Variants in GPR137C observed in about 807,000 individuals in gnomAD.
The protein encoded by GPR137C is integral membrane protein GPR137C.
Under a neutral mutation model 43.4 loss-of-function variants are expected in GPR137C, and 27 were observed. That is an observed-to-expected ratio of 0.62 (90% CI 0.46 to 0.86). The LOEUF (loss-of-function observed/expected upper bound fraction) is 0.86. Ranked by LOEUF, GPR137C falls within the 40% of genes least tolerant of loss-of-function variation. The pLI, the probability that GPR137C is intolerant of heterozygous loss-of-function variation, is 0.00. For synonymous variants in GPR137C, 285 were observed against 226.9 expected, an observed-to-expected ratio of 1.26 and a Z score of -2.30; for missense variants, 522 against 534.6, an observed-to-expected ratio of 0.98 and a Z score of 0.23.
At chr14:52,633,278 A>T (rs2039314598) in intron 4 of GPR137C, among the ~76,000 whole-genome samples, 1 of 152,120 alleles carries the variant, frequency 6.6e-6, no homozygotes, top group African/African-American at 2.4e-5. Flanking sequence ...TATTATCCAT[A>T]TATTAAAATT....
chr14:52,635,941 T>C lies in GPR137C; in HGVS notation c.*826T>C, dbSNP rs2039348265. 6.6e-6 allele frequency: 1 copy of C among 152,292 alleles called. No homozygotes were observed. Among genetic ancestry groups the C allele is most frequent in the African/African-American group, 2.4e-5 (1 of 41,588 alleles). The allele number at this position is 152,292 out of a possible 1,614,324, so 9.4% of individuals were successfully genotyped here. On this transcript the variant is annotated 3_prime_UTR_variant, in exon 7 of 7. Transcript: ENST00000321662. ...GGGACTAAACAAGTTTAGAGATGCA[T>C]TTAAGAATTATTCACAAAATGTGTA...
rs769362925 is a variant in GPR137C, at chr14:52,635,072, A to C, written c.1247A>C (p.Asp416Ala). The change falls in exon 7 of 7, where the codon GAT becomes GCT. Residue 416 changes from aspartate (D) to alanine (A), a missense_variant. By Grantham distance (126) the Asp-to-Ala change is moderately radical (BLOSUM62 -2). This residue lies in a region of GPR137C where 67 missense variants were observed against 69.0 expected (regional missense o/e 0.97). Coordinates refer to ENST00000321662, the MANE Select transcript of GPR137C (RefSeq NM_001099652.2). ...APLLFTCSNL[D>A]LNNHHSLYVT... is the part of the protein sequence containing the mutation. ...TTGCTCTTTACTTGTAGTAATTTAG[A>C]TTTGAACAATCATCATAGCTTATAT... 4 of 1,604,430 alleles carry C rather than the reference A, an allele frequency of 2.5e-6. No homozygotes were observed. In the South Asian group the frequency reaches 4.5e-5, roughly 18 times the overall value.
intron 3 of GPR137C, chr14:52,612,604 C>T (rs1162507319): frequency 1.3e-6 from 1 of 746,322 alleles, no homozygotes; most frequent in Non-Finnish European, 1.6e-6. Flanking sequence ...CTGTGTCACC[C>T]AGGCTGGAAT....
intron 3 of GPR137C, among the ~76,000 whole-genome samples, chr14:52,607,105 T>A (rs529608301): frequency 1.2e-4 from 18 of 152,340 alleles, no homozygotes; most frequent in African/African-American, 4.1e-4. Context: ...CAGAAGTTCC[T>A]CCTGTTACTG....
At chr14:52,561,504 A>G (rs1024475339) in intron 1 of GPR137C, among the ~76,000 whole-genome samples, 1 of 152,214 alleles carries the variant, frequency 6.6e-6, no homozygotes, top group African/African-American at 2.4e-5. Context: ...AAATGAAAGC[A>G]TATGTTCCTA....
At chr14:52,560,425 C>T (rs974717137) in intron 1 of GPR137C, among the ~76,000 whole-genome samples, 2 of 151,984 alleles carry the variant, frequency 1.3e-5, no homozygotes, top group African/African-American at 4.8e-5. Context: ...TTAAAATATG[C>T]GTGGACATAC....
At chr14:52,570,998 A>G (rs902200136) in intron 1 of GPR137C, among the ~76,000 whole-genome samples, 1 of 152,238 alleles carries the variant, frequency 6.6e-6, no homozygotes, top group Non-Finnish European at 1.5e-5. Flanking sequence ...CCTAATAGAC[A>G]GCTACAGAAT....
At chr14:52,614,346 C>T (rs2139556617) in intron 3 of GPR137C, among the ~76,000 whole-genome samples, 1 of 152,238 alleles carries the variant, frequency 6.6e-6, no homozygotes, top group Middle Eastern at 3.4e-3. Flanking sequence ...GTCTCAAACT[C>T]CTGAGCTCAA....
At chr14:52,626,902 C>T (rs1173098868) in intron 3 of GPR137C, among the ~76,000 whole-genome samples, 1 of 152,002 alleles carries the variant, frequency 6.6e-6, no homozygotes, top group Non-Finnish European at 1.5e-5. Flanking sequence ...AATAAATTTT[C>T]CAAAAAGCAA....
At chr14:52,570,281 C>A (rs1249106923) in intron 1 of GPR137C, among the ~76,000 whole-genome samples, 1 of 152,130 alleles carries the variant, frequency 6.6e-6, no homozygotes, top group African/African-American at 2.4e-5. Flanking sequence ...AAATCCTTTA[C>A]AGACAACCAA....
chr14:52,619,567 A>G (rs1007321918), intron 3 of GPR137C, among the ~76,000 whole-genome samples: 1 of 152,096 alleles, frequency 6.6e-6, no homozygotes, highest in African/African-American at 2.4e-5. Context: ...ACCTTGTCCC[A>G]TTTGAAAGAT....
intron 1 of GPR137C, among the ~76,000 whole-genome samples, chr14:52,577,504 G>C (rs1042574478): frequency 2.7e-5 from 3 of 112,346 alleles, no homozygotes; most frequent in Non-Finnish European, 5.7e-5. Context: ...ACATGCACGC[G>C]TGCGCGCGCG....
chr14:52,577,049 G>T (rs532796241), intron 1 of GPR137C, among the ~76,000 whole-genome samples: 1 of 108,212 alleles, frequency 9.2e-6, no homozygotes, highest in South Asian at 3.2e-4. Context: ...AACTAGCCAG[G>T]CGTGGTGCTG....
intron 1 of GPR137C, among the ~76,000 whole-genome samples, chr14:52,577,090 A>T (rs2038565548): frequency 1.3e-5 from 2 of 148,648 alleles, no homozygotes; most frequent in South Asian, 2.2e-4. Flanking sequence ...AGGAGGCTGA[A>T]GCAGAAGAAT....
intron 3 of GPR137C, among the ~76,000 whole-genome samples, chr14:52,601,961 A>T (rs768801517): frequency 6.6e-6 from 1 of 151,774 alleles, no homozygotes; most frequent in African/African-American, 2.4e-5. Context: ...TATGAAAGGT[A>T]TTCACTTATT....
At chr14:52,587,454 C>G (rs1183553220) in intron 1 of GPR137C, among the ~76,000 whole-genome samples, 1 of 152,110 alleles carries the variant, frequency 6.6e-6, no homozygotes, top group Non-Finnish European at 1.5e-5. Context: ...ATTGAACCAC[C>G]TATTTGAAGA....
chr14:52,577,218 C>G (rs1210601517), intron 1 of GPR137C, among the ~76,000 whole-genome samples: 1 of 121,530 alleles, frequency 8.2e-6, no homozygotes, highest in South Asian at 2.7e-4. Context: ...AAAAAAGATA[C>G]CTGGAAATTA....
chr14:52,608,187 T>G (rs988576129), intron 3 of GPR137C, among the ~76,000 whole-genome samples: 4 of 152,258 alleles, frequency 2.6e-5, no homozygotes, highest in South Asian at 2.1e-4. Flanking sequence ...CTTCCTTTTT[T>G]ACTGTCTTCT....
At chr14:52,628,694 G>A (rs1449582670) in intron 3 of GPR137C, among the ~76,000 whole-genome samples, 2 of 152,128 alleles carry the variant, frequency 1.3e-5, no homozygotes, top group Non-Finnish European at 2.9e-5. Flanking sequence ...TACTCGGGAG[G>A]CTGAGGCAGG....
Sources: gnomAD v4.1 joint callset for allele counts (sites outside exome capture counted in the v4.1 genomes callset) on GRCh38, gnomAD v4.1.1 for gene constraint, gnomAD v4.1.1 regional missense constraint, MANE v1.5 for transcripts, NCBI Gene and HGNC (gene_info 2026-07-23, HGNC 2026-07-21) for gene names.